Variants in DIS3L2 observed in about 807,000 individuals in gnomAD.
DIS3L2 encodes DIS3 like 3'-5' exoribonuclease 2.
Under a neutral mutation model 97.5 loss-of-function variants are expected in DIS3L2, and 34 were observed. That is an observed-to-expected ratio of 0.35 (90% CI 0.27 to 0.46). The LOEUF (loss-of-function observed/expected upper bound fraction) is 0.46, where lower values mean the gene tolerates loss of function less well. Ranked by LOEUF, DIS3L2 falls within the 20% of genes least tolerant of loss-of-function variation. The probability of loss-of-function intolerance (pLI) is 1.00; values close to 1 mark genes in which losing one functional copy is unlikely to be tolerated. For missense variants in DIS3L2, 1,038 were observed against 1,146.0 expected (o/e 0.91, Z 1.36); for synonymous variants, 435 against 445.2 (o/e 0.98, Z 0.29).
At chr2:232,255,954 C>T (rs766641927) in intron 12 of DIS3L2, among the ~76,000 whole-genome samples, 16 of 152,170 alleles carry the variant, frequency 1.1e-4, no homozygotes, top group South Asian at 2.1e-4. Context: ...CCTTAACTAC[C>T]GGCACTAATA....
chr2:232,009,763 A>G (rs1405128235), intron 1 of DIS3L2, among the ~76,000 whole-genome samples: 1 of 152,216 alleles, frequency 6.6e-6, no homozygotes, highest in Non-Finnish European at 1.5e-5. Flanking sequence ...CTTCCAGACC[A>G]GCAGGAAAAA....
intron 5 of DIS3L2, among the ~76,000 whole-genome samples, chr2:232,057,581 A>G (rs1480371381): frequency 6.6e-6 from 1 of 152,168 alleles, no homozygotes; most frequent in Non-Finnish European, 1.5e-5. Flanking sequence ...TATAGCTCCA[A>G]GAAAACAAAT....
rs552677756 is a variant in DIS3L2 at position 232,314,033 on chromosome 2, G to A, written c.1739+13914G>A. Among the ~76,000 whole-genome samples, 4 of 152,304 alleles carry A rather than the reference G, an allele frequency of 2.6e-5. No individual in the cohort carries two copies. In the South Asian group the frequency reaches 6.2e-4, roughly 24 times the overall value. ...GGAGCTACAAGATGAGATTTGGGTG[G>A]GGACACAGAGCCAAACCATATGACA... On this transcript the variant is annotated intron_variant, in intron 14 of 20. Coordinates refer to ENST00000325385, the MANE Select transcript of DIS3L2 (RefSeq NM_152383.5).
intron 1 of DIS3L2, among the ~76,000 whole-genome samples, chr2:231,969,965 A>G (rs1302743266): frequency 6.8e-6 from 1 of 146,878 alleles, no homozygotes; most frequent in East Asian, 2.0e-4. Context: ...TTTTTTTTCG[A>G]GACAGGGTCT....
intron 7 of DIS3L2, 140 bp downstream of exon 7, chr2:232,130,859 T>A: frequency 5.9e-6 from 6 of 1,009,410 alleles, no homozygotes; most frequent in South Asian, 2.9e-5. Context: ...AAAAGTGAAT[T>A]AAAAAAAAAA....
At chr2:232,246,061 G>C (rs1693239078) in intron 11 of DIS3L2, among the ~76,000 whole-genome samples, 3 of 152,160 alleles carry the variant, frequency 2.0e-5, no homozygotes, top group African/African-American at 7.2e-5. Context: ...CCTGGCCCTT[G>C]CTCCTGAGGT....
chr2:232,128,574 C>T (rs1014470555), intron 6 of DIS3L2, among the ~76,000 whole-genome samples: 11 of 149,790 alleles, frequency 7.3e-5, no homozygotes, highest in Admixed American at 2.0e-4. Flanking sequence ...CCCACCTCAG[C>T]CTCCTGAGTA....
intron 13 of DIS3L2, among the ~76,000 whole-genome samples, chr2:232,275,717 TG>T (rs1287980170): frequency 6.6e-6 from 1 of 152,234 alleles, no homozygotes; most frequent in Non-Finnish European, 1.5e-5. Context: ...ATTGCCCACA[TG>T]TTTTTTTAGT....
At chr2:232,143,356 G>A (rs1241223288) in intron 8 of DIS3L2, among the ~76,000 whole-genome samples, 1 of 152,100 alleles carries the variant, frequency 6.6e-6, no homozygotes, top group Non-Finnish European at 1.5e-5. Context: ...GGACTCAGTT[G>A]GAATGTCATT....
intron 5 of DIS3L2, among the ~76,000 whole-genome samples, chr2:232,055,583 A>G (rs1306896638): frequency 1.3e-5 from 2 of 152,240 alleles, no homozygotes; most frequent in Non-Finnish European, 2.9e-5. Flanking sequence ...ATCCAAGCCA[A>G]CATTCCAGCA....
intron 5 of DIS3L2, among the ~76,000 whole-genome samples, chr2:232,084,338 G>A (rs1252353515): frequency 6.6e-6 from 1 of 151,878 alleles, no homozygotes; most frequent in African/African-American, 2.4e-5. Context: ...TTTTGGGTTT[G>A]GGATGTTTTT....
chr2:232,076,974 C>T (rs1405008791), intron 5 of DIS3L2, among the ~76,000 whole-genome samples: 2 of 152,170 alleles, frequency 1.3e-5, no homozygotes, highest in African/African-American at 2.4e-5. Flanking sequence ...CTGTGTTCCC[C>T]TTAAAATGCT....
At chr2:232,267,590 C>G (rs1693885852) in intron 13 of DIS3L2, among the ~76,000 whole-genome samples, 1 of 152,068 alleles carries the variant, frequency 6.6e-6, no homozygotes, top group South Asian at 2.1e-4. Context: ...TAACAGGGGC[C>G]CAGACTTTTT....
chr2:232,116,184 G>GAATAAATAAATA (rs74584053), intron 6 of DIS3L2, among the ~76,000 whole-genome samples: 39 of 35,654 alleles, frequency 1.1e-3, no homozygotes, highest in African/African-American at 2.2e-3. Flanking sequence ...ATAAATAAAT[G>GAATAAATAAATA]AATAAATAAA....
intron 5 of DIS3L2, among the ~76,000 whole-genome samples, chr2:232,060,084 T>C (rs970000991): frequency 6.6e-6 from 1 of 152,194 alleles, no homozygotes; most frequent in African/African-American, 2.4e-5. Context: ...TTGTCAGCCA[T>C]CTGTAAAGGG....
At chr2:232,027,701 A>G (rs540761199) in intron 4 of DIS3L2, among the ~76,000 whole-genome samples, 3 of 152,188 alleles carry the variant, frequency 2.0e-5, no homozygotes, top group Non-Finnish European at 4.4e-5. Flanking sequence ...GGGGAACTTG[A>G]CTTAGGTTCA....
chr2:232,213,413 C>T (rs557751733), intron 10 of DIS3L2, among the ~76,000 whole-genome samples: 17 of 152,210 alleles, frequency 1.1e-4, no homozygotes, highest in African/African-American at 3.6e-4. Flanking sequence ...CTGAAACGGC[C>T]TGAGTTGGTC....
chr2:232,170,774 G>A (rs904544522), intron 9 of DIS3L2, among the ~76,000 whole-genome samples: 2 of 152,186 alleles, frequency 1.3e-5, no homozygotes, highest in Admixed American at 1.3e-4. Flanking sequence ...ACTAAGCACA[G>A]AAAGGGGGTT....
At chr2:232,013,951 G>A (rs1694282293) in intron 1 of DIS3L2, among the ~76,000 whole-genome samples, 1 of 152,212 alleles carries the variant, frequency 6.6e-6, no homozygotes, top group Non-Finnish European at 1.5e-5. Context: ...TGAAGGACGT[G>A]TGTGGGAAAT....
Sources: gnomAD v4.1 joint callset for allele counts (sites outside exome capture counted in the v4.1 genomes callset) on GRCh38, gnomAD v4.1.1 for gene constraint, MANE v1.5 for transcripts, NCBI Gene and HGNC (gene_info 2026-07-23, HGNC 2026-07-21) for gene names.